The following RANBP2 variants were observed in gnomAD, a reference collection of about 807,000 sequenced individuals.
RANBP2 encodes RAN binding protein 2.
Under a neutral mutation model 303.6 loss-of-function variants are expected in RANBP2, and 57 were observed. The ratio of observed to expected loss-of-function variants is 0.19; its 90% CI spans 0.15 to 0.23. RANBP2 has a LOEUF of 0.23. Ranked by LOEUF, RANBP2 falls within the 10% of genes least tolerant of loss-of-function variation. The pLI, the probability that RANBP2 is intolerant of heterozygous loss-of-function variation, is 1.00. For synonymous variants in RANBP2, 1,167 were observed against 1,301.5 expected, an observed-to-expected ratio of 0.90 and a Z score of 2.23; for missense variants, 3,138 against 3,780.8, an observed-to-expected ratio of 0.83 and a Z score of 4.46.
the RANBP2 span, among the ~76,000 whole-genome samples, chr2:108,942,912 G>A: frequency 1.3e-5 from 2 of 152,208 alleles, no homozygotes; most frequent in African/African-American, 2.4e-5. Flanking sequence ...TCAATAGATG[G>A]ATTTTCTCCC....
the RANBP2 span, among the ~76,000 whole-genome samples, chr2:109,322,702 G>A: frequency 6.6e-6 from 1 of 152,174 alleles, no homozygotes; most frequent in Admixed American, 6.5e-5. Flanking sequence ...ACCCACATAA[G>A]TGATTTCTAA....
At chr2:109,213,647 T>G in the RANBP2 span, among the ~76,000 whole-genome samples, 14,681 of 152,150 alleles carry the variant, frequency 0.096, 1,203 homozygotes, top group East Asian at 0.34. Flanking sequence ...CAGCAAACTG[T>G]GTGTCTACAC....
At chr2:109,594,466 TG>T in the RANBP2 span, among the ~76,000 whole-genome samples, 1 of 152,106 alleles carries the variant, frequency 6.6e-6, no homozygotes, top group African/African-American at 2.4e-5. Flanking sequence ...CTCTGCACTG[TG>T]GTTTTTTTTT....
chr2:109,394,668 T>A, the RANBP2 span, among the ~76,000 whole-genome samples: 963 of 152,350 alleles, frequency 6.3e-3, 12 homozygotes, highest in African/African-American at 0.022. Context: ...TGTGCACATC[T>A]ATGTAGGAGG....
At chr2:108,729,251 C>A (rs760103658) in intron 2 of RANBP2, 52 bp downstream of exon 2, 2 of 1,517,760 alleles carry the variant, frequency 1.3e-6, no homozygotes, top group African/African-American at 1.4e-5. Flanking sequence ...TGCCTTTTCT[C>A]ATTTTCTTCT....
At chr2:109,018,139 G>A in the RANBP2 span, among the ~76,000 whole-genome samples, 1 of 152,140 alleles carries the variant, frequency 6.6e-6, no homozygotes, top group Non-Finnish European at 1.5e-5. Context: ...AGACAGAGTC[G>A]GGCAGGTTAG....
At chr2:108,966,432 C>T in the RANBP2 span, among the ~76,000 whole-genome samples, 1 of 152,248 alleles carries the variant, frequency 6.6e-6, no homozygotes, top group Admixed American at 6.5e-5. Flanking sequence ...TCTGGAGTGA[C>T]TCCTCACAGG....
At chr2:109,043,624 C>T in the RANBP2 span, among the ~76,000 whole-genome samples, 2 of 152,122 alleles carry the variant, frequency 1.3e-5, no homozygotes, top group Non-Finnish European at 2.9e-5. Flanking sequence ...CGTGAGCCAC[C>T]GTGCCTGGCC....
the RANBP2 span, chr2:109,615,500 G>A: frequency 1.2e-6 from 2 of 1,613,780 alleles, no homozygotes; most frequent in Admixed American, 1.7e-5. Flanking sequence ...TCGACGCCAG[G>A]ACGAGCGGGG....
At chr2:109,019,588 G>A in the RANBP2 span, among the ~76,000 whole-genome samples, 1 of 152,166 alleles carries the variant, frequency 6.6e-6, no homozygotes, top group Non-Finnish European at 1.5e-5. Flanking sequence ...CCCGACATGG[G>A]TGATCTTAAG....
At chr2:108,763,196 T>G (rs760287281) in intron 19 of RANBP2, 41 bp from the exon 20 acceptor site, 1 of 1,604,678 alleles carries the variant, frequency 6.2e-7, no homozygotes, top group Admixed American at 1.7e-5. Flanking sequence ...TCTGTAGTTT[T>G]GTAGACAATC....
chr2:108,912,654 T>C, the RANBP2 span: 1 of 1,562,462 alleles, frequency 6.4e-7, no homozygotes, highest in Non-Finnish European at 8.7e-7. Context: ...CTCCAGGTGA[T>C]CGATACCTGA....
the RANBP2 span, among the ~76,000 whole-genome samples, chr2:108,820,722 AC>A: frequency 6.7e-6 from 1 of 148,416 alleles, no homozygotes; most frequent in African/African-American, 2.5e-5. Flanking sequence ...AAAACAAACA[AC>A]AAAACTGTTA....
chr2:109,087,906 A>C, the RANBP2 span, among the ~76,000 whole-genome samples: 1 of 152,214 alleles, frequency 6.6e-6, no homozygotes, highest in Non-Finnish European at 1.5e-5. Context: ...TGCCAGGCAG[A>C]CCAGACTGTG....
the RANBP2 span, among the ~76,000 whole-genome samples, chr2:108,898,976 AGAG>A: frequency 2.0e-5 from 3 of 152,178 alleles, no homozygotes; most frequent in Admixed American, 6.5e-5. Flanking sequence ...TTTCAGAAGG[AGAG>A]GAGAAGAGAG....
chr2:109,399,116 G>A, the RANBP2 span, among the ~76,000 whole-genome samples: 22 of 152,262 alleles, frequency 1.4e-4, no homozygotes, highest in African/African-American at 2.4e-4. Flanking sequence ...CCCTAGAAGC[G>A]TGGAGAATGG....
chr2:109,524,808 T>A, the RANBP2 span, among the ~76,000 whole-genome samples: 1 of 151,998 alleles, frequency 6.6e-6, no homozygotes, highest in South Asian at 2.1e-4. Flanking sequence ...CTTCCATTTT[T>A]AAATTTTTAA....
the RANBP2 span, among the ~76,000 whole-genome samples, chr2:109,694,489 T>C: frequency 2.0e-5 from 3 of 151,388 alleles, no homozygotes; most frequent in South Asian, 6.3e-4. Flanking sequence ...CTGCAACCTC[T>C]ACCTCCCAGG....
At chr2:109,067,009 G>C in the RANBP2 span, among the ~76,000 whole-genome samples, 1 of 152,046 alleles carries the variant, frequency 6.6e-6, no homozygotes, top group Non-Finnish European at 1.5e-5. Context: ...TTTTATCCCA[G>C]GGCATAGGCT....
Sources: allele counts gnomAD v4.1 joint callset (sites outside exome capture counted in the v4.1 genomes callset), GRCh38; gene constraint gnomAD v4.1.1; transcripts MANE v1.5; gene names NCBI Gene and HGNC (gene_info 2026-07-23, HGNC 2026-07-21).